GPC3: variants seen among roughly 807,000 people sequenced by gnomAD.
GPC3 encodes the protein glypican 3.
GPC3 carries 3 observed loss-of-function variants against 34.4 expected under a neutral mutation model. The ratio of observed to expected loss-of-function variants is 0.09; its 90% CI spans 0.04 to 0.23. GPC3 has a LOEUF of 0.23. Ranked by LOEUF, GPC3 falls within the 10% of genes least tolerant of loss-of-function variation. The pLI is 1.00. For missense variants in GPC3, 351 were observed against 445.6 expected, an observed-to-expected ratio of 0.79 and a Z score of 1.91; for synonymous variants, 177 against 174.0, an observed-to-expected ratio of 1.02 and a Z score of -0.13.
At chrX:133,819,849 A>G (rs2075710679) in intron 2 of GPC3, among the ~76,000 whole-genome samples, 1 of 112,149 alleles carries the variant, frequency 8.9e-6, no homozygotes, top group South Asian at 3.7e-4. Context: ...ACTGAGGTTC[A>G]GTGAGTTTAA....
At chrX:133,660,253 TA>T (rs1258520510) in intron 6 of GPC3, among the ~76,000 whole-genome samples, 1 of 112,410 alleles carries the variant, frequency 8.9e-6, no homozygotes. Context: ...ATCCATATTT[TA>T]AAAACTCATA....
intron 2 of GPC3, among the ~76,000 whole-genome samples, chrX:133,846,772 A>G (rs2075848727): frequency 8.9e-6 from 1 of 111,862 alleles, no homozygotes; most frequent in Non-Finnish European, 1.9e-5. Flanking sequence ...TGCATACTAT[A>G]TTGTCTTTGT....
At chrX:133,564,750 T>C (rs2069568437) in intron 7 of GPC3, among the ~76,000 whole-genome samples, 1 of 111,971 alleles carries the variant, frequency 8.9e-6, no homozygotes, top group Admixed American at 9.5e-5. Flanking sequence ...AGTGTAAGCA[T>C]TCCATGAAAA....
intron 1 of GPC3, among the ~76,000 whole-genome samples, chrX:133,969,198 G>C (rs181302481): frequency 9.0e-6 from 1 of 111,236 alleles, no homozygotes; most frequent in Admixed American, 9.6e-5. Context: ...GAGATTACTA[G>C]ATTTTTAGGG....
At chrX:133,658,465 G>C (rs891124613) in intron 6 of GPC3, among the ~76,000 whole-genome samples, 1 of 111,684 alleles carries the variant, frequency 9.0e-6, no homozygotes, top group African/African-American at 3.3e-5. Context: ...GCTATACAAA[G>C]AGAACACATT....
chrX:133,571,519 C>G (rs1346640422), intron 7 of GPC3, among the ~76,000 whole-genome samples: 3 of 111,607 alleles, frequency 2.7e-5, no homozygotes, highest in Non-Finnish European at 5.6e-5. Flanking sequence ...CCCACCACCA[C>G]GCCCAGCCTG....
intron 3 of GPC3, among the ~76,000 whole-genome samples, chrX:133,751,056 G>C (rs1356102468): frequency 9.6e-6 from 1 of 104,317 alleles, no homozygotes; most frequent in Non-Finnish European, 2.0e-5. Flanking sequence ...CTGGGCGACA[G>C]AGCGAGACTC....
intron 7 of GPC3, among the ~76,000 whole-genome samples, chrX:133,567,482 C>T (rs1354259684): frequency 8.9e-6 from 1 of 112,154 alleles, no homozygotes; most frequent in Non-Finnish European, 1.9e-5. Context: ...TCATATCCCC[C>T]TTGGCAGTGA....
In GPC3 at chrX:133,930,498, T is replaced by C. The variant is rs187401428; in HGVS notation, c.337+22552A>G. On this transcript the variant is annotated intron_variant, in intron 2 of 7. Coordinates refer to ENST00000370818, the MANE Select transcript of GPC3 (RefSeq NM_004484.4). ...ATGTGTCTCATGGAAGCAGAAATGT[T>C]TTAAAGTATTTAGTTTAATGTAAGT... Among the ~76,000 whole-genome samples, 15 of 112,759 alleles carry C rather than the reference T, an allele frequency of 1.3e-4. No individual in the cohort carries two copies. The East Asian group carries it at 4.2e-3, about 31-fold the overall frequency.
intron 2 of GPC3, among the ~76,000 whole-genome samples, chrX:133,936,955 C>A (rs938244762): frequency 3.6e-5 from 4 of 111,442 alleles, no homozygotes; most frequent in Admixed American, 9.5e-5. Flanking sequence ...TGTTTAAATT[C>A]ATCACCCCTC....
intron 1 of GPC3, among the ~76,000 whole-genome samples, chrX:133,973,226 G>C (rs1168970554): frequency 8.9e-6 from 1 of 112,199 alleles, no homozygotes; most frequent in African/African-American, 3.2e-5. Flanking sequence ...TACTCCAGTA[G>C]GTATTCTGGA....
At chrX:133,649,254 G>T (rs1194717602) in intron 6 of GPC3, among the ~76,000 whole-genome samples, 3 of 102,325 alleles carry the variant, frequency 2.9e-5, no homozygotes, top group Non-Finnish European at 6.0e-5. Context: ...AATAAATGAC[G>T]AGGATATATA....
intron 6 of GPC3, among the ~76,000 whole-genome samples, chrX:133,623,440 G>A (rs1368245369): frequency 1.8e-5 from 2 of 111,429 alleles, no homozygotes; most frequent in Admixed American, 1.9e-4. Flanking sequence ...ACACACATAG[G>A]CTCAAAATAA....
chrX:133,847,971 G>A (rs189786606), intron 2 of GPC3, among the ~76,000 whole-genome samples: 3 of 112,319 alleles, frequency 2.7e-5, no homozygotes, highest in African/African-American at 9.7e-5. Context: ...AACAGAAGCA[G>A]AGATTAACAA....
chrX:133,827,961 A>AAG (rs1301317892), intron 2 of GPC3, among the ~76,000 whole-genome samples: 1 of 107,598 alleles, frequency 9.3e-6, no homozygotes, highest in African/African-American at 3.4e-5. Flanking sequence ...AAAAAAAAAA[A>AAG]AAAAAAAGAA....
chrX:133,602,450 A>G (rs1449579331), intron 6 of GPC3, among the ~76,000 whole-genome samples: 2 of 111,016 alleles, frequency 1.8e-5, no homozygotes, highest in African/African-American at 6.5e-5. Context: ...CCTATTATGA[A>G]CTACACATGC....
intron 2 of GPC3, among the ~76,000 whole-genome samples, chrX:133,906,850 G>A (rs761490089): frequency 1.9e-4 from 21 of 111,752 alleles, no homozygotes; most frequent in African/African-American, 4.5e-4. Context: ...AGGCCGAGGC[G>A]GGCAGATCAC....
chrX:133,786,015 C>T (rs762203523), intron 2 of GPC3, among the ~76,000 whole-genome samples: 27 of 111,916 alleles, frequency 2.4e-4, no homozygotes, highest in East Asian at 2.8e-4. Flanking sequence ...AACTAATCAC[C>T]GGGGACAAAA....
chrX:133,619,232 G>C (rs1292028500), intron 6 of GPC3, among the ~76,000 whole-genome samples: 1 of 112,464 alleles, frequency 8.9e-6, no homozygotes, highest in African/African-American at 3.2e-5. Flanking sequence ...TACAATGCTG[G>C]TGGGAATGTA....
Sources: gnomAD v4.1 joint callset for allele counts (sites outside exome capture counted in the v4.1 genomes callset) on GRCh38, gnomAD v4.1.1 for gene constraint, MANE v1.5 for transcripts, NCBI Gene and HGNC (gene_info 2026-07-23, HGNC 2026-07-21) for gene names.